CTNNBL1: variants seen among roughly 807,000 people sequenced by gnomAD.
CTNNBL1 encodes beta-catenin-like protein 1.
In CTNNBL1, 31 loss-of-function variants were observed where a neutral mutation model predicts 72.7. The observed-to-expected ratio is 0.43, with a 90% CI of 0.32 to 0.58. The LOEUF is 0.58. CTNNBL1 is among the 20% of genes least tolerant of loss of function. The pLI, the probability that CTNNBL1 is intolerant of heterozygous loss-of-function variation, is 0.08. For missense variants in CTNNBL1, 534 were observed against 725.1 expected (o/e 0.74, Z 3.03); for synonymous variants, 240 against 267.3 (o/e 0.90, Z 1.00).
At chr20:37,815,770 T>C (rs1397799179) in intron 11 of CTNNBL1, among the ~76,000 whole-genome samples, 1 of 152,202 alleles carries the variant, frequency 6.6e-6, no homozygotes, top group Non-Finnish European at 1.5e-5. Flanking sequence ...TTTTTTAAAA[T>C]GTGTGAATAC....
At chr20:37,733,813 C>T (rs2073150067) in intron 2 of CTNNBL1, among the ~76,000 whole-genome samples, 1 of 152,184 alleles carries the variant, frequency 6.6e-6, no homozygotes, top group Non-Finnish European at 1.5e-5. Context: ...TTGCTCATTG[C>T]TGTCCTCCTC....
At chr20:37,802,462 A>C (rs1040219540) in intron 10 of CTNNBL1, among the ~76,000 whole-genome samples, 2 of 152,216 alleles carry the variant, frequency 1.3e-5, no homozygotes, top group African/African-American at 4.8e-5. Flanking sequence ...TCTAAAACCC[A>C]TTGAGTTGTA....
At chr20:37,840,287 G>A in intron 12 of CTNNBL1, 88 bp downstream of exon 12, 1 of 961,054 alleles carries the variant, frequency 1.0e-6, no homozygotes, top group Non-Finnish European at 1.6e-6. Flanking sequence ...TGGGTTGAGT[G>A]GTCCTACCCT....
chr20:37,755,176 G>A (rs1387261255), intron 4 of CTNNBL1, among the ~76,000 whole-genome samples: 2 of 152,132 alleles, frequency 1.3e-5, no homozygotes, highest in East Asian at 3.8e-4. Context: ...TTATAATGCT[G>A]CTGAAAGAAT....
chr20:37,736,080 G>A (rs905780086), intron 2 of CTNNBL1, among the ~76,000 whole-genome samples: 8 of 152,150 alleles, frequency 5.3e-5, no homozygotes, highest in Non-Finnish European at 1.0e-4. Flanking sequence ...TTATTCCAAT[G>A]TATGAAGCCA....
intron 11 of CTNNBL1, among the ~76,000 whole-genome samples, chr20:37,816,926 A>T (rs545348451): frequency 2.0e-5 from 3 of 152,278 alleles, no homozygotes; most frequent in Admixed American, 1.3e-4. Flanking sequence ...GATTTTCCTG[A>T]TGATGTGTCA....
At chr20:37,791,121 A>G (rs903106578) in intron 10 of CTNNBL1, among the ~76,000 whole-genome samples, 1 of 152,228 alleles carries the variant, frequency 6.6e-6, no homozygotes, top group African/African-American at 2.4e-5. Context: ...GTAGCACTCC[A>G]TTATATGGAT....
At chr20:37,705,729 C>T (rs148526405) in intron 1 of CTNNBL1, among the ~76,000 whole-genome samples, 129 of 152,276 alleles carry the variant, frequency 8.5e-4, no homozygotes, top group African/African-American at 2.8e-3. Flanking sequence ...CCAAGAATCT[C>T]GTTTACAAAT....
intron 1 of CTNNBL1, among the ~76,000 whole-genome samples, chr20:37,715,425 G>C (rs535526527): frequency 1.3e-5 from 2 of 152,300 alleles, no homozygotes; most frequent in East Asian, 3.9e-4. Context: ...CATAGTTAAT[G>C]GTAACTGTTG....
chr20:37,725,710 G>T (rs1043269565), intron 1 of CTNNBL1, among the ~76,000 whole-genome samples: 103 of 151,424 alleles, frequency 6.8e-4, no homozygotes, highest in African/African-American at 2.4e-3. Flanking sequence ...TAGGCTGGGC[G>T]CAGTGGCTCA....
intron 2 of CTNNBL1, among the ~76,000 whole-genome samples, chr20:37,734,648 C>A (rs1303320563): frequency 6.6e-6 from 1 of 152,218 alleles, no homozygotes; most frequent in Non-Finnish European, 1.5e-5. Flanking sequence ...TATTTTCTCA[C>A]TGCCACTGAA....
rs200441452 is a variant in CTNNBL1, at chr20:37,757,608, C to T, written c.516C>T (p.Asp172=). Residue 172 remains aspartate, a synonymous_variant, in exon 5 of 16, where the codon GAC becomes GAT. Coordinates refer to ENST00000361383, the MANE Select transcript of CTNNBL1 (RefSeq NM_030877.5). ...VDLLQELTDI[D]TLHESEEGAE... ...TGCTTCAGGAATTAACAGATATAGACACCCTCCATGAGAGTGAAGAGGGAG... is the reference window on the plus strand; with the variant it reads ...TGCTTCAGGAATTAACAGATATAGATACCCTCCATGAGAGTGAAGAGGGAG... The T allele has an allele frequency of 3.1e-6, 5 of 1,613,876 alleles. No homozygotes were observed. Among genetic ancestry groups the T allele is most frequent in the Non-Finnish European group, 4.2e-6 (5 of 1,179,804 alleles).
chr20:37,790,017 C>T (rs896606525), intron 10 of CTNNBL1, among the ~76,000 whole-genome samples: 1 of 152,168 alleles, frequency 6.6e-6, no homozygotes, highest in African/African-American at 2.4e-5. Flanking sequence ...GGATACACAG[C>T]CACATCTGTT....
At chr20:37,735,385 A>T (rs2073163171) in intron 2 of CTNNBL1, among the ~76,000 whole-genome samples, 1 of 152,196 alleles carries the variant, frequency 6.6e-6, no homozygotes, top group South Asian at 2.1e-4. Flanking sequence ...ATCCTGCCAG[A>T]TCCTTACGTA....
At chr20:37,843,667 CAG>C (rs560813648) in intron 13 of CTNNBL1, among the ~76,000 whole-genome samples, 160 of 152,316 alleles carry the variant, frequency 1.1e-3, no homozygotes, top group Admixed American at 0.01. Context: ...CCAAAAATGT[CAG>C]AGTTACCAAA....
intron 11 of CTNNBL1, among the ~76,000 whole-genome samples, chr20:37,835,494 T>G (rs2072245972): frequency 6.6e-6 from 1 of 152,172 alleles, no homozygotes; most frequent in South Asian, 2.1e-4. Context: ...TAATATGCAA[T>G]CTGAGTGAGG....
intron 15 of CTNNBL1, among the ~76,000 whole-genome samples, chr20:37,868,838 C>CCT (rs1325358787): frequency 1.3e-5 from 2 of 152,192 alleles, no homozygotes; most frequent in Non-Finnish European, 2.9e-5. Flanking sequence ...TCTCCACTTC[C>CCT]CTCTCTCCTG....
At chr20:37,770,755 G>A (rs2073515008) in intron 7 of CTNNBL1, among the ~76,000 whole-genome samples, 1 of 152,088 alleles carries the variant, frequency 6.6e-6, no homozygotes, top group Admixed American at 6.5e-5. Context: ...CAGTTTTCAG[G>A]CTTTTAGGGA....
Position 37,803,014 on chromosome 20 carries a change from C to T in CTNNBL1, c.1179C>T (p.Ile393=), listed in dbSNP as rs140985198. The stretch of plus-strand genomic sequence containing the variant: ...TCTTTATGAAATCTCCCAGGAAGAT[C>T]AAGAAAGTGGGAACCACTGAGAAGG... ...FPLFMKSPRK[I]KKVGTTEKEH... The change falls in exon 11 of 16, where the codon ATC becomes ATT. Residue 393 remains isoleucine, a synonymous_variant. Coordinates refer to ENST00000361383, the MANE Select transcript of CTNNBL1 (RefSeq NM_030877.5). 1.2e-6 allele frequency: 2 copies of T among 1,613,810 alleles called. No individual in the cohort carries two copies. Among genetic ancestry groups the T allele is most frequent in the Non-Finnish European group, 1.7e-6 (2 of 1,179,968 alleles).
Sources: gnomAD v4.1 joint callset for allele counts (sites outside exome capture counted in the v4.1 genomes callset) on GRCh38, gnomAD v4.1.1 for gene constraint, MANE v1.5 for transcripts, NCBI Gene and HGNC (gene_info 2026-07-23, HGNC 2026-07-21) for gene names.